ZMIZ2: variants seen among roughly 807,000 people sequenced by gnomAD.
ZMIZ2 encodes zinc finger MIZ domain-containing protein 2.
In ZMIZ2, 26 loss-of-function variants were observed where a neutral mutation model predicts 93.9. The observed-to-expected ratio is 0.28, with a 90% CI of 0.20 to 0.38. ZMIZ2 has a LOEUF of 0.38. Ranked by LOEUF, ZMIZ2 falls within the 10% of genes least tolerant of loss-of-function variation. The pLI is 1.00. For missense variants in ZMIZ2, 1,023 were observed against 1,235.0 expected (o/e 0.83, Z 2.57); for synonymous variants, 485 against 516.4 (o/e 0.94, Z 0.82).
intron 1 of ZMIZ2, among the ~76,000 whole-genome samples, chr7:44,753,381 A>T (rs1790325926): frequency 6.6e-6 from 1 of 152,060 alleles, no homozygotes; most frequent in Non-Finnish European, 1.5e-5. Context: ...AAAAGCTGGG[A>T]CCACAGGTGC....
chr7:44,757,336 T>G, intron 4 of ZMIZ2, 42 bp from the exon 5 acceptor site: 1 of 1,584,306 alleles, frequency 6.3e-7, no homozygotes, highest in Non-Finnish European at 8.5e-7. Flanking sequence ...CTGGCCCTCA[T>G]GAGCCCACGC....
Position 44,767,589 on chromosome 7 carries a change from A to G in ZMIZ2, c.2729A>G (p.Asn910Ser), listed in dbSNP as rs1241857982. The G allele has an allele frequency of 2.5e-6, 4 of 1,613,916 alleles. No individual in the cohort carries two copies. The highest frequency in any genetic ancestry group is 1.1e-5 in the South Asian group (1 of 91,088). Residue 910 changes from asparagine (N) to serine (S), a missense_variant, in exon 19 of 19, where the codon AAT (asparagine) becomes AGT (serine). Transcript: ENST00000309315. Reference protein sequence around the residue: ...LGPPDLPTNNNDDLLSLFENN With the variant: ...LGPPDLPTNNSDDLLSLFENN ...CCACCCGACCTCCCTACGAACAACAATGACGACCTGCTTTCTCTGTTTGAG... is the reference window on the plus strand; with the variant it reads ...CCACCCGACCTCCCTACGAACAACAGTGACGACCTGCTTTCTCTGTTTGAG...
chr7:44,763,476 A>G lies in ZMIZ2; in HGVS notation c.1860+63A>G. The G allele has an allele frequency of 1.3e-6, 2 of 1,593,022 alleles. No homozygotes were observed. Among genetic ancestry groups the G allele is most frequent in the South Asian group, 1.1e-5 (1 of 87,962 alleles). On this transcript the variant is annotated intron_variant, in intron 13 of 18. Coordinates refer to ENST00000309315, the MANE Select transcript of ZMIZ2 (RefSeq NM_031449.4). The surrounding 1 kb of genome is among the most constrained non-coding windows in gnomAD (Gnocchi z 5.6). Reference sequence around the variant, plus strand: ...CTGCTAAAATATCTTGAGTCGATACATCAGTGTCATTCTCTGGACAGACGT... The same window carrying G: ...CTGCTAAAATATCTTGAGTCGATACGTCAGTGTCATTCTCTGGACAGACGT...
chr7:44,763,341 G>A lies in ZMIZ2; in HGVS notation c.1788G>A (p.Val596=), dbSNP rs1791392112. The part of the protein sequence containing the change: ...EDGVEQTAIK[V]SLKCPITFRR... Reference sequence around the variant, plus strand: ...GGGTGGAGCAGACAGCTATCAAGGTGTCCCTGAAGTGCCCCATCACCTTCC... The same window carrying A: ...GGGTGGAGCAGACAGCTATCAAGGTATCCCTGAAGTGCCCCATCACCTTCC... The change falls in exon 13 of 19, where the codon GTG becomes GTA. Residue 596 remains valine (V), a synonymous_variant. Transcript: ENST00000309315. The surrounding 1 kb of genome is among the most constrained non-coding windows in gnomAD (Gnocchi z 5.6). 6 of 1,614,124 alleles carry A rather than the reference G, an allele frequency of 3.7e-6. No homozygotes were observed. Among genetic ancestry groups the A allele is most frequent in the Non-Finnish European group, 5.1e-6 (6 of 1,180,026 alleles).
At chr7:44,758,174 AG>A in intron 6 of ZMIZ2, 66 bp downstream of exon 6, 1 of 1,464,754 alleles carries the variant, frequency 6.8e-7, no homozygotes, top group South Asian at 1.5e-5. Flanking sequence ...CACTCTTTAG[AG>A]CTGTGGTAAA....
Position 44,760,544 on chromosome 7 carries a change from C to A in ZMIZ2, c.1191C>A (p.Phe397Leu). The A allele has an allele frequency of 6.2e-7, 1 of 1,614,174 alleles. No individual in the cohort carries two copies. The highest frequency in any genetic ancestry group is 8.5e-7 in the Non-Finnish European group (1 of 1,180,026). The change falls in exon 9 of 19, where the codon TTC (phenylalanine) becomes TTA (leucine). Residue 397 changes from phenylalanine to leucine, a missense_variant. By Grantham distance (22) the Phe-to-Leu change is conservative (BLOSUM62 0). Around this residue, in one of 3 missense-constraint regions of ZMIZ2, gnomAD observed 656 missense variants for 777.1 expected, o/e 0.84. Coordinates refer to ENST00000309315, the MANE Select transcript of ZMIZ2 (RefSeq NM_031449.4). ...CAAACCAAGAGGTCAAGTCTCCCTTCTTGCCTGATCTCAAGCCCAACCTCA... is the reference window on the plus strand; with the variant it reads ...CAAACCAAGAGGTCAAGTCTCCCTTATTGCCTGATCTCAAGCCCAACCTCA... ...MSPNQEVKSPFLPDLKPNLNS... is the reference protein window; with the variant it reads ...MSPNQEVKSPLLPDLKPNLNS...
At chr7:44,754,173 C>T (rs1790393021) in intron 1 of ZMIZ2, among the ~76,000 whole-genome samples, 1 of 152,246 alleles carries the variant, frequency 6.6e-6, no homozygotes, top group African/African-American at 2.4e-5. Flanking sequence ...CTCTGTCCCC[C>T]AACATCACTA....
chr7:44,760,385 C>T, intron 8 of ZMIZ2, 40 bp from the exon 9 acceptor site: 4 of 1,606,314 alleles, frequency 2.5e-6, no homozygotes, highest in Middle Eastern at 1.7e-4. Context: ...TCCCATCCAC[C>T]CTGGCAATCT....
rs1791076802 is a variant in ZMIZ2, at chr7:44,760,570, A to G, written c.1217A>G (p.Asn406Ser). 3.1e-6 allele frequency: 5 copies of G among 1,612,878 alleles called. No homozygotes were observed. The highest frequency in any genetic ancestry group is 1.3e-5 in the African/African-American group (1 of 74,576). The change falls in exon 9 of 19, where the codon AAC (asparagine) becomes AGC (serine). Residue 406 changes from asparagine (N) to serine (S), a missense_variant. Asn to Ser is a conservative substitution (Grantham distance 46). This residue lies in a region of ZMIZ2 where 656 missense variants were observed against 777.1 expected (regional missense o/e 0.84). Transcript: ENST00000309315. ...TTGCCTGATCTCAAGCCCAACCTCA[A>G]CTCCTTGCACTCATCGCCCTCTGGT... ...PFLPDLKPNL[N>S]SLHSSPSGSG...
At chr7:44,759,734 C>A in intron 7 of ZMIZ2, 1 of 473,508 alleles carries the variant, frequency 2.1e-6, no homozygotes, top group Non-Finnish European at 3.7e-6. Context: ...GTATCCTGTG[C>A]AGGGAGCAGC....
chr7:44,767,593 C>T lies in ZMIZ2; in HGVS notation c.2733C>T (p.Asp911=), dbSNP rs375579312. The change falls in exon 19 of 19, where the codon GAC becomes GAT. Residue 911 remains aspartate, a synonymous_variant. Transcript: ENST00000309315. ...GPPDLPTNNN[D]DLLSLFENN ...CCGACCTCCCTACGAACAACAATGA[C>T]GACCTGCTTTCTCTGTTTGAGAACA... 4.6e-5 allele frequency: 74 copies of T among 1,614,172 alleles called. No homozygotes were observed. Among genetic ancestry groups the T allele is most frequent in the East Asian group, 2.0e-4 (9 of 44,890 alleles).
chr7:44,757,695 T>A, intron 5 of ZMIZ2, 134 bp downstream of exon 5: 1 of 1,378,506 alleles, frequency 7.3e-7, no homozygotes, highest in Non-Finnish European at 9.5e-7. Flanking sequence ...AAGAGAGATG[T>A]GTGGGAAGGA....
At chr7:44,760,273 GGGCATATGGAGAGAGGGCGACCGGGCA>G in intron 8 of ZMIZ2, 45 bp downstream of exon 8, 1 of 1,591,488 alleles carries the variant, frequency 6.3e-7, no homozygotes, top group African/African-American at 1.3e-5. Flanking sequence ...CTCACAGGGT[GGGCATATGGAGAGAGGGCGACCGGGCA>G]GGCACCCCTG....
rs1227557974 is a variant in ZMIZ2, at chr7:44,766,400, A to G, written c.2413-21A>G. 1.2e-6 allele frequency: 2 copies of G among 1,613,664 alleles called. No individual in the cohort carries two copies. Among genetic ancestry groups the G allele is most frequent in the African/African-American group, 1.3e-5 (1 of 75,006 alleles). On this transcript the variant is annotated intron_variant, in intron 17 of 18. Coordinates refer to ENST00000309315, the MANE Select transcript of ZMIZ2 (RefSeq NM_031449.4). This position sits in a 1 kb window ranked among gnomAD's most constrained non-coding sequence, Gnocchi z 4.4. ...GGGGAGCCCCTGAGCTGTTTTAACA[A>G]ATTCTTCTCTCTGTCTTCAGATGGC...
Position 44,765,855 on chromosome 7 carries a change from C to A in ZMIZ2, c.2242+276C>A. 1 of 1,188,290 alleles carries A rather than the reference C, an allele frequency of 8.4e-7. No individual in the cohort carries two copies. Among genetic ancestry groups the A allele is most frequent in the Non-Finnish European group, 1.1e-6 (1 of 881,998 alleles). The allele number at this position is 1,188,290 out of a possible 1,614,324, so 73.6% of individuals were successfully genotyped here. ...GATTAAGGGGCTCCTGGCTGGAACACCTCACAGGACTGGCCCCATCTGGGG... is the reference window on the plus strand; with the variant it reads ...GATTAAGGGGCTCCTGGCTGGAACAACTCACAGGACTGGCCCCATCTGGGG... On this transcript the variant is annotated intron_variant, in intron 16 of 18. Coordinates refer to ENST00000309315, the MANE Select transcript of ZMIZ2 (RefSeq NM_031449.4). The surrounding 1 kb of genome is among the most constrained non-coding windows in gnomAD (Gnocchi z 4.1).
intron 11 of ZMIZ2, 58 bp from the exon 12 acceptor site, chr7:44,762,823 T>A: frequency 1.9e-5 from 24 of 1,295,550 alleles, no homozygotes; most frequent in Admixed American, 2.3e-5. Flanking sequence ...ACCCTTTACC[T>A]GGCCAGGGTG....
chr7:44,760,647 G>C, intron 9 of ZMIZ2, 54 bp downstream of exon 9: 1 of 1,601,102 alleles, frequency 6.2e-7, no homozygotes, highest in South Asian at 1.1e-5. Context: ...GTGGGCATGG[G>C]GGAATCACAG....
intron 1 of ZMIZ2, among the ~76,000 whole-genome samples, chr7:44,750,596 G>A (rs1790054113): frequency 6.6e-6 from 1 of 152,216 alleles, no homozygotes; most frequent in African/African-American, 2.4e-5. Flanking sequence ...GACTAGGCAG[G>A]CAGAGAGGTG....
intron 18 of ZMIZ2, 84 bp from the exon 19 acceptor site, chr7:44,767,430 CAG>C (rs1046038023): frequency 8.5e-7 from 1 of 1,180,354 alleles, no homozygotes; most frequent in Non-Finnish European, 1.2e-6. Flanking sequence ...TGCCTGGAGA[CAG>C]GGCCGGGATG....
Sources: allele counts gnomAD v4.1 joint callset (sites outside exome capture counted in the v4.1 genomes callset), GRCh38; gene constraint gnomAD v4.1.1; regional missense constraint gnomAD v4.1.1; non-coding constraint Gnocchi (gnomAD v3.1); transcripts MANE v1.5; gene names NCBI Gene and HGNC (gene_info 2026-07-23, HGNC 2026-07-21).